Variants in BANP observed in about 807,000 individuals in gnomAD.
The protein encoded by BANP is BTG3 associated nuclear protein.
Under a neutral mutation model 68.1 loss-of-function variants are expected in BANP, and 11 were observed. The ratio of observed to expected loss-of-function variants is 0.16; its 90% CI spans 0.10 to 0.27. The LOEUF (loss-of-function observed/expected upper bound fraction) is 0.27. BANP is among the 10% of genes least tolerant of loss of function. The pLI is 1.00. For missense variants in BANP, 504 were observed against 722.7 expected (o/e 0.70, Z 3.47); for synonymous variants, 329 against 303.2 (o/e 1.09, Z -0.88).
chr16:88,027,021 G>A (rs116252578), intron 7 of BANP, among the ~76,000 whole-genome samples: 3,325 of 152,344 alleles, frequency 0.022, 123 homozygotes, highest in African/African-American at 0.076. Flanking sequence ...AAGGGAAGGC[G>A]GTGGCCGAGC....
intron 1 of BANP, among the ~76,000 whole-genome samples, chr16:87,972,595 T>G (rs12931329): frequency 0.35 from 53,029 of 152,114 alleles, 10,546 homozygotes; most frequent in Non-Finnish European, 0.47. Flanking sequence ...TTTGCTTTTC[T>G]GAATGCTCAG....
chr16:88,020,830 C>T (rs1481405510), intron 7 of BANP, among the ~76,000 whole-genome samples: 1 of 152,154 alleles, frequency 6.6e-6, no homozygotes, highest in African/African-American at 2.4e-5. Context: ...GCTTTCAGGG[C>T]ATTGGCTGCA....
Position 88,071,391 on chromosome 16 carries a change from C to T in BANP, c.1378-678C>T, listed in dbSNP as rs184859792. On this transcript the variant is annotated intron_variant, in intron 12 of 13. Coordinates refer to ENST00000682872, the MANE Select transcript of BANP (RefSeq NM_001386991.1). The surrounding 1 kb of genome is among the most constrained non-coding windows in gnomAD (Gnocchi z 6.5). ...GGAAGTGGGCCTGGGTGCTTACAGG[C>T]GATGGGGTCACCAGAGCCCACCCAG... The T allele has an allele frequency of 3.7e-5, 16 of 436,244 alleles. No homozygotes were observed. The highest frequency in any genetic ancestry group is 6.7e-4 in the Middle Eastern group (2 of 2,964). 27.0% of individuals were successfully genotyped at this position (436,244 alleles called of 1,614,324 possible).
Position 87,989,253 on chromosome 16 carries a change from T to A in BANP, c.362+4994T>A, listed in dbSNP as rs139617081. Reference sequence around the variant, plus strand: ...CTTTTAAGTTTTGTAGGTAGGGGCTTATTTTCTTCCTGCAGGTGCGCCATC... The same window carrying A: ...CTTTTAAGTTTTGTAGGTAGGGGCTAATTTTCTTCCTGCAGGTGCGCCATC... On this transcript the variant is annotated intron_variant, in intron 4 of 13. Transcript: ENST00000682872. Among the ~76,000 whole-genome samples the A allele has an allele frequency of 6.4e-3, 970 of 152,282 alleles. 8 individuals are homozygous for A. The highest frequency in any genetic ancestry group is 0.01 in the Admixed American group (154 of 15,298).
intron 1 of BANP, among the ~76,000 whole-genome samples, chr16:87,958,730 G>C (rs73240755): frequency 6.6e-6 from 1 of 152,182 alleles, no homozygotes; most frequent in Non-Finnish European, 1.5e-5. Flanking sequence ...AACTATTCCC[G>C]TTAAGCCGCT....
chr16:87,984,313 C>T lies in BANP; in HGVS notation c.362+54C>T, dbSNP rs181040972. The T allele has an allele frequency of 2.2e-5, 32 of 1,438,786 alleles. No homozygotes were observed. In the East Asian group the frequency reaches 7.0e-4, roughly 31 times the overall value. The allele number at this position is 1,438,786 out of a possible 1,614,324, so 89.1% of individuals were successfully genotyped here. On this transcript the variant is annotated intron_variant, in intron 4 of 13. Transcript: ENST00000682872. ...TCAGGTCACTTGGGGAGAAGCGCGT[C>T]ACCTCCTCGCCCAGGCCCGCAGCTT... is the stretch of plus-strand genomic sequence containing the variant.
intron 6 of BANP, among the ~76,000 whole-genome samples, chr16:88,008,731 A>T (rs927818050): frequency 1.3e-5 from 2 of 152,216 alleles, no homozygotes; most frequent in South Asian, 4.1e-4. Context: ...GGCTTTGAGC[A>T]GAGTTTTATA....
intron 12 of BANP, among the ~76,000 whole-genome samples, chr16:88,069,177 A>G (rs2089645977): frequency 6.6e-6 from 1 of 152,208 alleles, no homozygotes; most frequent in African/African-American, 2.4e-5. Context: ...TGTAAAGATC[A>G]TGGGAAGGGG....
In BANP at chr16:87,957,634, A is replaced by C. The variant is rs556429289; in HGVS notation, c.-69+6119A>C. On this transcript the variant is annotated intron_variant, in intron 1 of 13. Coordinates refer to ENST00000682872, the MANE Select transcript of BANP (RefSeq NM_001386991.1). This position sits in a 1 kb window ranked among gnomAD's most constrained non-coding sequence, Gnocchi z 4.3. Reference sequence around the variant, plus strand: ...ATTTTCCTTTTCCCTTGAGATGAAAAGTCATCAAATATCTGGAAGCAAAGC... The same window carrying C: ...ATTTTCCTTTTCCCTTGAGATGAAACGTCATCAAATATCTGGAAGCAAAGC... 2.0e-5 allele frequency among the ~76,000 whole-genome samples: 3 copies of C among 152,372 alleles called. No homozygotes were observed. In the East Asian group the frequency reaches 5.8e-4, roughly 29 times the overall value.
At chr16:87,955,802 G>A (rs574810812) in intron 1 of BANP, among the ~76,000 whole-genome samples, 15 of 152,176 alleles carry the variant, frequency 9.9e-5, no homozygotes, top group Non-Finnish European at 2.1e-4. Context: ...GACCCAGTGA[G>A]ACACATCACT....
chr16:87,964,359 A>G (rs1567595091), intron 1 of BANP, among the ~76,000 whole-genome samples: 1 of 152,380 alleles, frequency 6.6e-6, no homozygotes, highest in East Asian at 1.9e-4. Context: ...ACTAAGCAAG[A>G]GAAACCTTTC....
chr16:88,023,020 G>A (rs11117348), intron 7 of BANP, among the ~76,000 whole-genome samples: 98,642 of 152,078 alleles, frequency 0.65, 33,324 homozygotes, highest in Non-Finnish European at 0.77. Context: ...CGGGTGGTCA[G>A]GTGCTGTCTC....
rs772072018 is a variant in BANP at position 88,072,228 on chromosome 16, C to T, written c.1521+16C>T. 2.3e-5 allele frequency: 37 copies of T among 1,598,660 alleles called. No homozygotes were observed. Among genetic ancestry groups the T allele is most frequent in the African/African-American group, 8.1e-5 (6 of 74,450 alleles). ...CGGGGCACAGGTGAGTCTGGGGCCCCGCGCCGGGACACTGAAGTGATGGCA... is the reference window on the plus strand; with the variant it reads ...CGGGGCACAGGTGAGTCTGGGGCCCTGCGCCGGGACACTGAAGTGATGGCA... On this transcript the variant is annotated intron_variant, in intron 13 of 13. Coordinates refer to ENST00000682872, the MANE Select transcript of BANP (RefSeq NM_001386991.1).
chr16:88,020,189 A>G (rs1424433257), intron 7 of BANP, among the ~76,000 whole-genome samples: 1 of 152,186 alleles, frequency 6.6e-6, no homozygotes, highest in Non-Finnish European at 1.5e-5. Context: ...CACGGCAGAT[A>G]TTTCAGGCTT....
At chr16:87,978,734 C>G (rs555144058) in intron 2 of BANP, 11 of 456,728 alleles carry the variant, frequency 2.4e-5, no homozygotes, top group Non-Finnish European at 5.0e-5. Context: ...CAGTGTGTGA[C>G]CAGTGTGTCA....
At chr16:88,055,562 C>G (rs2084799020) in intron 11 of BANP, among the ~76,000 whole-genome samples, 1 of 152,138 alleles carries the variant, frequency 6.6e-6, no homozygotes, top group African/African-American at 2.4e-5. Context: ...CTTCTAGACC[C>G]AGCTGGGAAA....
chr16:87,985,049 A>ACCGCCC lies in BANP; in HGVS notation c.362+791_362+792insCGCCCC, dbSNP rs879825290. Among the ~76,000 whole-genome samples, 392 of 152,100 alleles carry ACCGCCC rather than the reference A, an allele frequency of 2.6e-3. 1 individual carries two copies. Among genetic ancestry groups the ACCGCCC allele is most frequent in the Non-Finnish European group, 1.9e-3 (129 of 67,992 alleles). ...GACGGCAGCGGGGGCGCCGGGGAGGACATGTGGACGCCGAGGAATGGGAGC... is the reference window on the plus strand; with the variant it reads ...GACGGCAGCGGGGGCGCCGGGGAGGACCGCCCCATGTGGACGCCGAGGAATGGGAGC... On this transcript the variant is annotated intron_variant, in intron 4 of 13. Coordinates refer to ENST00000682872, the MANE Select transcript of BANP (RefSeq NM_001386991.1).
chr16:88,037,941 T>C, intron 10 of BANP, 32 bp from the exon 11 acceptor site: 1 of 1,610,168 alleles, frequency 6.2e-7, no homozygotes, highest in East Asian at 2.2e-5. Flanking sequence ...GTGTTTCTAC[T>C]CATGACCGTC....
At chr16:88,005,992 C>G (rs1453046825) in intron 5 of BANP, 98 bp from the exon 6 acceptor site, 3 of 1,447,918 alleles carry the variant, frequency 2.1e-6, no homozygotes, top group African/African-American at 2.8e-5. Context: ...TCCACTGGTC[C>G]ACACAGAGTT....
Sources: allele counts gnomAD v4.1 joint callset (sites outside exome capture counted in the v4.1 genomes callset), GRCh38; gene constraint gnomAD v4.1.1; non-coding constraint Gnocchi (gnomAD v3.1); transcripts MANE v1.5; gene names NCBI Gene and HGNC (gene_info 2026-07-23, HGNC 2026-07-21).